Variants in PARP11 observed in about 807,000 individuals in gnomAD.
PARP11 encodes the protein poly(ADP-ribose) polymerase family member 11.
Under a neutral mutation model 42.9 loss-of-function variants are expected in PARP11, and 31 were observed. That is an observed-to-expected ratio of 0.72 (90% CI 0.54 to 0.98). PARP11 has a LOEUF of 0.98. PARP11 is among the 50% of genes least tolerant of loss of function. The probability of loss-of-function intolerance (pLI) is 0.00; values close to 1 mark genes in which losing one functional copy is unlikely to be tolerated. For missense variants in PARP11, 365 were observed against 413.1 expected, an observed-to-expected ratio of 0.88 and a Z score of 1.01; for synonymous variants, 137 against 127.3, an observed-to-expected ratio of 1.08 and a Z score of -0.51.
rs116705093 is a variant in PARP11, at chr12:3,840,165, C to T, written c.19-10147G>A. 3,247 of 1,611,294 alleles carry T rather than the reference C, an allele frequency of 2.0e-3. 65 individuals carry two copies. In the African/African-American group the frequency reaches 0.039, roughly 19 times the overall value. On this transcript the variant is annotated intron_variant, in intron 1 of 7. Coordinates refer to ENST00000228820, the MANE Select transcript of PARP11 (RefSeq NM_020367.6). The surrounding 1 kb of genome is among the most constrained non-coding windows in gnomAD (Gnocchi z 4.4). Reference sequence around the variant, plus strand: ...CTGGCTTACAATATGAAGTTGGAGACAAATGTCAAGTTAGGTTGGATCACA... The same window carrying T: ...CTGGCTTACAATATGAAGTTGGAGATAAATGTCAAGTTAGGTTGGATCACA...
rs1947856668 is a variant in PARP11, at chr12:3,840,153, T to C, written c.19-10135A>G. On this transcript the variant is annotated intron_variant, in intron 1 of 7. Transcript: ENST00000228820. The surrounding 1 kb of genome is among the most constrained non-coding windows in gnomAD (Gnocchi z 4.4). ...ATTCCATTGCTGCTGGCTTACAATA[T>C]GAAGTTGGAGACAAATGTCAAGTTA... The C allele has an allele frequency of 2.7e-5, 44 of 1,611,292 alleles. No homozygotes were observed. Among genetic ancestry groups the C allele is most frequent in the Non-Finnish European group, 3.5e-5 (41 of 1,177,502 alleles).
At chr12:3,815,469 C>T (rs1947267819) in intron 6 of PARP11, among the ~76,000 whole-genome samples, 1 of 152,196 alleles carries the variant, frequency 6.6e-6, no homozygotes, top group Admixed American at 6.5e-5. Context: ...GCTTTCTTTT[C>T]TTGGTTAAAT....
At chr12:3,860,278 T>G (rs140258763) in intron 1 of PARP11, among the ~76,000 whole-genome samples, 1 of 152,288 alleles carries the variant, frequency 6.6e-6, no homozygotes, top group East Asian at 1.9e-4. Context: ...CTTGGATTTT[T>G]CAGGATGGGA....
rs1287780365 is a variant in PARP11 at position 3,810,679 on chromosome 12, G to GAAGA, written c.*1443_*1444insTCTT. The GAAGA allele has an allele frequency of 1.4e-4, 21 of 145,220 alleles. No homozygotes were observed. The allele number at this position is 145,220 out of a possible 1,614,324, so 9.0% of individuals were successfully genotyped here. A position where few individuals can be genotyped will look rare whatever the true frequency, so the allele number is the denominator to read the frequency against. On this transcript the variant is annotated 3_prime_UTR_variant, in exon 8 of 8. Coordinates refer to ENST00000228820, the MANE Select transcript of PARP11 (RefSeq NM_020367.6). ...GGAAGGAAGGAAGGAAGGAAGGAAGGAAGGAAAGAAAGAAGGAAGGAAGAG... is the reference window on the plus strand; with the variant it reads ...GGAAGGAAGGAAGGAAGGAAGGAAGGAAGAAAGGAAAGAAAGAAGGAAGGAAGAG...
At chr12:3,864,076 TTCCACATACCG>T (rs1278561418) in intron 1 of PARP11, 2 of 152,242 alleles carry the variant, frequency 1.3e-5, no homozygotes, top group Non-Finnish European at 2.9e-5. Flanking sequence ...GTTAACCCCC[TTCCACATACCG>T]TCCATCAGGT....
At chr12:3,814,330 T>A (rs967515718) in intron 6 of PARP11, 142 bp from the exon 7 acceptor site, 1 of 585,580 alleles carries the variant, frequency 1.7e-6, no homozygotes, top group Admixed American at 4.0e-5. Context: ...AAAGCAAGTC[T>A]AGAAAAGAAA....
chr12:3,842,355 G>A lies in PARP11; in HGVS notation c.19-12337C>T, dbSNP rs955024034. On this transcript the variant is annotated intron_variant, in intron 1 of 7. Transcript: ENST00000228820. ...AAAGTGATTGGGGCTATTCTGGTAG[G>A]GGCGGATATCAACATGTGAGAAGTG... 9.3e-6 allele frequency: 15 copies of A among 1,611,820 alleles called. No homozygotes were observed. In the Admixed American group the frequency reaches 2.5e-4, roughly 27 times the overall value.
rs1319017842 is a variant in PARP11, at chr12:3,830,090, T to C, written c.19-72A>G. The C allele has an allele frequency of 1.1e-5, 15 of 1,407,182 alleles. No individual in the cohort carries two copies. In the Admixed American group the frequency reaches 2.7e-4, roughly 25 times the overall value. The allele number at this position is 1,407,182 out of a possible 1,614,324, so 87.2% of individuals were successfully genotyped here. A position where few individuals can be genotyped will look rare whatever the true frequency, so the allele number is the denominator to read the frequency against. On this transcript the variant is annotated intron_variant, in intron 1 of 7. Transcript: ENST00000228820. ...CAAGTATACTTTTTACAGATCATTTTACTTCTTTACAAAGAGTGGTATTCA... is the reference window on the plus strand; with the variant it reads ...CAAGTATACTTTTTACAGATCATTTCACTTCTTTACAAAGAGTGGTATTCA...
At chr12:3,823,915 CAAA>C (rs58303768) in intron 4 of PARP11, among the ~76,000 whole-genome samples, 10 of 114,078 alleles carry the variant, frequency 8.8e-5, no homozygotes, top group Non-Finnish European at 3.7e-5. Context: ...GACTCTGTCT[CAAA>C]AAAAAAAAAA....
chr12:3,844,384 G>C (rs1242108586), intron 1 of PARP11, among the ~76,000 whole-genome samples: 2 of 152,214 alleles, frequency 1.3e-5, no homozygotes, highest in South Asian at 2.1e-4. Flanking sequence ...TGGTGGCTCA[G>C]TTAAGGAATG....
chr12:3,839,555 G>C (rs1947845497), intron 1 of PARP11: 3 of 1,470,472 alleles, frequency 2.0e-6, no homozygotes, highest in Admixed American at 1.7e-5. Flanking sequence ...ATTATAGGAG[G>C]ATCATTTGAA....
At chr12:3,821,805 C>A (rs1185744223) in intron 6 of PARP11, 68 bp downstream of exon 6, 2 of 1,477,530 alleles carry the variant, frequency 1.4e-6, no homozygotes, top group East Asian at 4.5e-5. Flanking sequence ...TAATACAATT[C>A]AATATTTATG....
intron 1 of PARP11, chr12:3,871,752 C>T (rs1345497130): frequency 2.0e-5 from 3 of 152,154 alleles, no homozygotes; most frequent in African/African-American, 7.2e-5. Flanking sequence ...AAATAGATCC[C>T]ACTCTCTGAG....
intron 1 of PARP11, among the ~76,000 whole-genome samples, chr12:3,857,606 G>A (rs546808804): frequency 1.3e-5 from 2 of 151,614 alleles, no homozygotes; most frequent in Admixed American, 6.6e-5. Flanking sequence ...TGTATTCAAG[G>A]AGTAAATTTC....
intron 1 of PARP11, among the ~76,000 whole-genome samples, chr12:3,864,553 A>G (rs1378495930): frequency 1.3e-5 from 2 of 152,210 alleles, no homozygotes; most frequent in African/African-American, 4.8e-5. Flanking sequence ...ATTTTCTTTT[A>G]GAATGATTTT....
chr12:3,821,822 C>G (rs758085312), intron 6 of PARP11, 51 bp downstream of exon 6: 14 of 1,535,934 alleles, frequency 9.1e-6, no homozygotes, highest in Non-Finnish European at 1.1e-5. Flanking sequence ...TATGTTTTAA[C>G]CATAAAAGAC....
At chr12:3,841,172 C>T (rs985357783) in intron 1 of PARP11, 2 of 1,582,092 alleles carry the variant, frequency 1.3e-6, no homozygotes, top group African/African-American at 2.7e-5. Context: ...CCACTCTATC[C>T]TGGGTTTCCT....
intron 1 of PARP11, 21 bp downstream of exon 1, chr12:3,873,191 C>T (rs1164981145): frequency 6.5e-7 from 1 of 1,541,356 alleles, no homozygotes; most frequent in Non-Finnish European, 8.8e-7. Context: ...TGGGCCCGCC[C>T]CGTCCCGCCC....
intron 7 of PARP11, among the ~76,000 whole-genome samples, chr12:3,813,746 G>A (rs557475615): frequency 1.3e-5 from 2 of 152,114 alleles, no homozygotes; most frequent in Non-Finnish European, 2.9e-5. Context: ...TAATTTGCCT[G>A]AGTACCAGAC....
Sources: gnomAD v4.1 joint callset for allele counts (sites outside exome capture counted in the v4.1 genomes callset) on GRCh38, gnomAD v4.1.1 for gene constraint, Gnocchi (gnomAD v3.1) non-coding constraint, MANE v1.5 for transcripts, NCBI Gene and HGNC (gene_info 2026-07-23, HGNC 2026-07-21) for gene names.